USH2A: variants seen among roughly 807,000 people sequenced by gnomAD.
USH2A encodes the protein Usher syndrome 2A (autosomal recessive, mild).
USH2A carries 443 observed loss-of-function variants against 538.9 expected under a neutral mutation model. The observed-to-expected ratio is 0.82, with a 90% CI of 0.76 to 0.89. The LOEUF (loss-of-function observed/expected upper bound fraction) is 0.89, where lower values mean the gene tolerates loss of function less well. Among genes scored for constraint, USH2A ranks in the 40% least tolerant of loss-of-function variants. USH2A has a pLI of 0.00. For missense variants in USH2A, 6,633 were observed against 6,324.8 expected (o/e 1.05, Z -1.65); for synonymous variants, 2,413 against 2,273.5 (o/e 1.06, Z -1.75).
rs560057072 is a variant in USH2A, at chr1:216,367,540, T to C, written c.652-2455A>G. On this transcript the variant is annotated intron_variant, in intron 3 of 71. Transcript: ENST00000307340. ...GTCAAGAGTTCAGGACCTTCTTTTT[T>C]ATCAACTCATCACATATTTGCTTAG... 1.6e-4 allele frequency among the ~76,000 whole-genome samples: 24 copies of C among 152,324 alleles called. 1 individual carries two copies. The South Asian group carries it at 4.8e-3, about 30-fold the overall frequency.
intron 4 of USH2A, among the ~76,000 whole-genome samples, chr1:216,359,449 A>G (rs1305485867): frequency 6.6e-6 from 1 of 152,136 alleles, no homozygotes; most frequent in African/African-American, 2.4e-5. Flanking sequence ...CCAGACTTAA[A>G]GAGAGTTAAT....
intron 58 of USH2A, among the ~76,000 whole-genome samples, chr1:215,756,103 G>C (rs937449549): frequency 2.6e-5 from 4 of 152,028 alleles, no homozygotes; most frequent in Non-Finnish European, 4.4e-5. Flanking sequence ...ATATTATATA[G>C]AACTAGATAA....
chr1:215,877,280 C>A (rs1384788465), intron 43 of USH2A, among the ~76,000 whole-genome samples: 2 of 152,202 alleles, frequency 1.3e-5, no homozygotes, highest in Non-Finnish European at 2.9e-5. Flanking sequence ...TGTCTTTGAA[C>A]TCTAGATTGA....
At chr1:216,142,767 C>T (rs2033625456) in intron 21 of USH2A, among the ~76,000 whole-genome samples, 1 of 152,166 alleles carries the variant, frequency 6.6e-6, no homozygotes, top group African/African-American at 2.4e-5. Flanking sequence ...TTTCATCTCA[C>T]TTTCCTATGC....
intron 67 of USH2A, among the ~76,000 whole-genome samples, chr1:215,646,518 C>A (rs1247331193): frequency 2.0e-5 from 3 of 151,896 alleles, no homozygotes; most frequent in Non-Finnish European, 4.4e-5. Flanking sequence ...TGCCCTGTAC[C>A]ATCTCTTACA....
intron 30 of USH2A, among the ~76,000 whole-genome samples, chr1:216,058,135 G>GAACTATGAGGTAGAAGTTGTGATAGCTC (rs1213418559): frequency 1.3e-5 from 2 of 150,534 alleles, no homozygotes; most frequent in African/African-American, 2.5e-5. Flanking sequence ...TAGAAGCCTT[G>GAACTATGAGGTAGAAGTTGTGATAGCTC]TCCATAAGGA....
intron 32 of USH2A, among the ~76,000 whole-genome samples, chr1:216,035,203 A>C (rs910984163): frequency 1.3e-5 from 2 of 152,186 alleles, no homozygotes; most frequent in African/African-American, 4.8e-5. Context: ...CCCAAAATTC[A>C]TATGTTGAAG....
At position 216,422,084 on chromosome 1, in the gene USH2A, T is replaced by C. The variant is rs770983063; in HGVS notation, c.253A>G (p.Ile85Val). Residue 85 changes from isoleucine (I) to valine (V), a missense_variant, in exon 2 of 72, where the codon ATT becomes GTT. Ile to Val is a conservative substitution (Grantham distance 29, BLOSUM62 3). Transcript: ENST00000307340. ...GAAGATCTGTATGGGCAATCCTGAA[T>C]ACAAAACCGCTGGGTACAGAACTGA... is the stretch of plus-strand genomic sequence containing the variant. ...SIQFCTQRFC[I>V]QDCPYRSSHP... is the part of the protein sequence containing the mutation. 3 of 1,613,798 alleles carry C rather than the reference T, an allele frequency of 1.9e-6. No homozygotes were observed. The highest frequency in any genetic ancestry group is 3.3e-4 in the Middle Eastern group (2 of 6,062).
At chr1:215,717,861 G>A (rs1481640551) in intron 61 of USH2A, among the ~76,000 whole-genome samples, 1 of 152,122 alleles carries the variant, frequency 6.6e-6, no homozygotes, top group East Asian at 1.9e-4. Flanking sequence ...CCCTGACAAT[G>A]GAGTGTTTGT....
chr1:216,409,443 A>G (rs2039447905), intron 3 of USH2A, among the ~76,000 whole-genome samples: 1 of 152,182 alleles, frequency 6.6e-6, no homozygotes, highest in African/African-American at 2.4e-5. Context: ...CACAAAAATA[A>G]CAAAGGTGGA....
Position 216,165,169 on chromosome 1 carries a change from A to G in USH2A, c.4627+10083T>C, listed in dbSNP as rs2034141004. On this transcript the variant is annotated intron_variant, in intron 21 of 71. Coordinates refer to ENST00000307340, the MANE Select transcript of USH2A (RefSeq NM_206933.4). ...CTGTTGTTTTTAAAGCACTTTCAAGATTAAAAGTGCTTTTTATTGTACTGT... is the reference window on the plus strand; with the variant it reads ...CTGTTGTTTTTAAAGCACTTTCAAGGTTAAAAGTGCTTTTTATTGTACTGT... Among the ~76,000 whole-genome samples the G allele has an allele frequency of 2.0e-5, 3 of 152,206 alleles. No individual in the cohort carries two copies. The South Asian group carries it at 6.2e-4, about 31-fold the overall frequency.
At chr1:216,098,768 T>C (rs1445833166) in intron 21 of USH2A, among the ~76,000 whole-genome samples, 2 of 152,126 alleles carry the variant, frequency 1.3e-5, no homozygotes, top group East Asian at 1.9e-4. Context: ...TGTAATGCAA[T>C]GTGATAAATG....
At chr1:216,309,895 C>T (rs889184204) in intron 9 of USH2A, among the ~76,000 whole-genome samples, 2 of 151,904 alleles carry the variant, frequency 1.3e-5, no homozygotes, top group Non-Finnish European at 2.9e-5. Flanking sequence ...GAGATAAATC[C>T]CTCTTGGTTC....
At chr1:215,828,095 C>G (rs1663206032) in intron 47 of USH2A, among the ~76,000 whole-genome samples, 1 of 152,062 alleles carries the variant, frequency 6.6e-6, no homozygotes, top group African/African-American at 2.4e-5. Flanking sequence ...GGAGAATCCT[C>G]TTTCTCCACA....
At chr1:216,055,142 G>A (rs768446838) in intron 30 of USH2A, among the ~76,000 whole-genome samples, 19 of 152,158 alleles carry the variant, frequency 1.2e-4, no homozygotes, top group East Asian at 1.9e-4. Context: ...GTAATTAGGA[G>A]CAGTCACAGC....
chr1:216,181,578 AC>A (rs1462543478), intron 20 of USH2A, among the ~76,000 whole-genome samples: 1 of 152,106 alleles, frequency 6.6e-6, no homozygotes, highest in Non-Finnish European at 1.5e-5. Context: ...AATAATTTGC[AC>A]AAAACTACCA....
chr1:216,067,651 G>T (rs528049123), intron 30 of USH2A, among the ~76,000 whole-genome samples: 1 of 152,166 alleles, frequency 6.6e-6, no homozygotes, highest in Non-Finnish European at 1.5e-5. Flanking sequence ...TGGATATGAG[G>T]TGTGAAGGAG....
intron 37 of USH2A, among the ~76,000 whole-genome samples, chr1:215,962,119 C>T (rs1169886137): frequency 3.3e-5 from 5 of 152,032 alleles, no homozygotes; most frequent in African/African-American, 1.2e-4. Flanking sequence ...GAAATAGCTA[C>T]CATTTTTAAC....
intron 37 of USH2A, among the ~76,000 whole-genome samples, chr1:215,950,662 T>C (rs567105079): frequency 1.3e-5 from 2 of 151,948 alleles, no homozygotes; most frequent in South Asian, 4.2e-4. Context: ...CCTACCACCA[T>C]GTCCGGCTAA....
Sources: gnomAD v4.1 joint callset for allele counts (sites outside exome capture counted in the v4.1 genomes callset) on GRCh38, gnomAD v4.1.1 for gene constraint, MANE v1.5 for transcripts, NCBI Gene and HGNC (gene_info 2026-07-23, HGNC 2026-07-21) for gene names.